The following PAN3 variants were observed in gnomAD, a reference collection of about 807,000 sequenced individuals.
PAN3 encodes the protein PAN2-PAN3 deadenylation complex subunit PAN3.
PAN3 carries 19 observed loss-of-function variants against 96.2 expected under a neutral mutation model. The ratio of observed to expected loss-of-function variants is 0.20; its 90% confidence interval spans 0.14 to 0.29. The LOEUF is 0.29. Ranked by LOEUF, PAN3 falls within the 10% of genes least tolerant of loss-of-function variation. PAN3 has a pLI of 1.00. For missense variants in PAN3, 882 were observed against 1,108.1 expected, an observed-to-expected ratio of 0.80 and a Z score of 2.90; for synonymous variants, 433 against 406.6, an observed-to-expected ratio of 1.06 and a Z score of -0.78.
At chr13:28,145,073 A>C (rs1870449060) in intron 1 of PAN3, among the ~76,000 whole-genome samples, 1 of 152,044 alleles carries the variant, frequency 6.6e-6, no homozygotes, top group Non-Finnish European at 1.5e-5. Flanking sequence ...TTTTAAATGA[A>C]CTTTTTATTT....
In PAN3 at chr13:28,280,274, A is replaced by G. The variant is rs533927255; in HGVS notation, c.2190-138A>G. On this transcript the variant is annotated intron_variant, in intron 15 of 18. Transcript: ENST00000380958. The stretch of plus-strand genomic sequence containing the variant: ...AATGAAATGTAATATTTAAGAATGA[A>G]CTTGACTTGCATGAATTAAAATGTT... The G allele has an allele frequency of 1.3e-5, 13 of 1,016,712 alleles. No individual in the cohort carries two copies. The South Asian group carries it at 2.4e-4, about 18-fold the overall frequency. The allele number at this position is 1,016,712 out of a possible 1,614,324, so 63.0% of individuals were successfully genotyped here.
chr13:28,249,526 AC>A (rs1272627840), intron 6 of PAN3, among the ~76,000 whole-genome samples: 2 of 151,620 alleles, frequency 1.3e-5, no homozygotes, highest in African/African-American at 4.9e-5. Context: ...TCGGCTCACC[AC>A]AGCCTCCACC....
intron 12 of PAN3, among the ~76,000 whole-genome samples, chr13:28,270,302 A>G (rs1403619108): frequency 1.3e-5 from 2 of 152,208 alleles, no homozygotes; most frequent in Non-Finnish European, 2.9e-5. Flanking sequence ...CCACACAATG[A>G]ACAGCTCTCA....
At chr13:28,277,653 A>T (rs1189349303) in intron 15 of PAN3, among the ~76,000 whole-genome samples, 1 of 152,230 alleles carries the variant, frequency 6.6e-6, no homozygotes, top group African/African-American at 2.4e-5. Flanking sequence ...CATTGATATT[A>T]ATTGAAATTT....
intron 6 of PAN3, among the ~76,000 whole-genome samples, chr13:28,252,188 C>CTTTTTT (rs10545190): frequency 8.9e-6 from 1 of 112,536 alleles, no homozygotes; most frequent in Non-Finnish European, 1.8e-5. Flanking sequence ...GCGACGGGCC[C>CTTTTTT]TTTTTTTTTT....
rs576599818 is a variant in PAN3, at chr13:28,180,858, T to G, written c.690+2923T>G. Among the ~76,000 whole-genome samples the G allele has an allele frequency of 1.8e-4, 26 of 147,384 alleles. No individual in the cohort carries two copies. The South Asian group carries it at 4.3e-3, about 24-fold the overall frequency. ...GACAAATTGAAAATGAAGGACTGAGTTTTTTTTTTTCCCTTAAATCTAATT... is the reference window on the plus strand; with the variant it reads ...GACAAATTGAAAATGAAGGACTGAGGTTTTTTTTTTCCCTTAAATCTAATT... On this transcript the variant is annotated intron_variant, in intron 4 of 18. Coordinates refer to ENST00000380958, the MANE Select transcript of PAN3 (RefSeq NM_175854.8).
rs1252496331 is a variant in PAN3, at chr13:28,277,389, A to G, written c.2189+13A>G. ...AGAATCTGATTTTGTAAGTTTTAAT[A>G]TATGATAAATTGTACAGAATGATTA... is the stretch of plus-strand genomic sequence containing the variant. On this transcript the variant is annotated intron_variant, in intron 15 of 18. Transcript: ENST00000380958. 1.9e-6 allele frequency: 3 copies of G among 1,603,430 alleles called. No homozygotes were observed. The highest frequency in any genetic ancestry group is 1.1e-5 in the South Asian group (1 of 88,934).
intron 6 of PAN3, among the ~76,000 whole-genome samples, chr13:28,226,511 G>A (rs1882014925): frequency 6.6e-6 from 1 of 152,094 alleles, no homozygotes. Flanking sequence ...AAGAAGAAGG[G>A]ACCATGCCAT....
At chr13:28,291,987 T>C (rs45455097) in intron 18 of PAN3, among the ~76,000 whole-genome samples, 15,404 of 152,194 alleles carry the variant, frequency 0.1, 979 homozygotes, top group Middle Eastern at 0.17. Flanking sequence ...CTTTACATTT[T>C]ATTATTAATA....
chr13:28,221,171 C>T (rs1471273143), intron 6 of PAN3, among the ~76,000 whole-genome samples: 1 of 152,116 alleles, frequency 6.6e-6, no homozygotes, highest in Non-Finnish European at 1.5e-5. Context: ...ATTAACATCA[C>T]TTATCCCCAC....
chr13:28,147,325 C>T (rs764024942), intron 1 of PAN3, among the ~76,000 whole-genome samples: 3 of 152,072 alleles, frequency 2.0e-5, no homozygotes, highest in African/African-American at 7.3e-5. Flanking sequence ...TACGATGATT[C>T]GACTTCCAGT....
intron 1 of PAN3, among the ~76,000 whole-genome samples, chr13:28,145,154 A>G (rs769352807): frequency 1.3e-5 from 2 of 152,202 alleles, no homozygotes; most frequent in African/African-American, 2.4e-5. Flanking sequence ...TCTTTTATAA[A>G]GGATAGTAAC....
At chr13:28,162,456 G>T (rs535452597) in intron 1 of PAN3, among the ~76,000 whole-genome samples, 1 of 151,964 alleles carries the variant, frequency 6.6e-6, no homozygotes, top group Non-Finnish European at 1.5e-5. Context: ...AGGCCGAGGC[G>T]GGTGGATTGC....
rs780296852 is a variant in PAN3 at position 28,270,695 on chromosome 13, G to A, written c.1793-6G>A. The A allele has an allele frequency of 5.6e-6, 9 of 1,612,598 alleles. No individual in the cohort carries two copies. Among genetic ancestry groups the A allele is most frequent in the Non-Finnish European group, 6.8e-6 (8 of 1,179,288 alleles). On this transcript the variant is annotated splice_region_variant and splice_polypyrimidine_tract_variant and intron_variant, in intron 12 of 18. Transcript: ENST00000380958. ...ATGTCATTTTTTGGATTTCTTTGCT[G>A]TATAGGTCAGCACGAGGGACCATTG...
At chr13:28,154,696 A>T (rs1473232094) in intron 1 of PAN3, among the ~76,000 whole-genome samples, 1 of 150,862 alleles carries the variant, frequency 6.6e-6, no homozygotes, top group Admixed American at 6.6e-5. Context: ...GGGTTTCGTC[A>T]TGTTAGCCAG....
intron 1 of PAN3, among the ~76,000 whole-genome samples, chr13:28,148,632 T>C (rs1024242052): frequency 2.6e-5 from 4 of 152,202 alleles, no homozygotes; most frequent in African/African-American, 7.2e-5. Context: ...ACACTCTTTC[T>C]AGCTTATTTG....
intron 6 of PAN3, chr13:28,239,718 G>A (rs757877409): frequency 7.2e-6 from 9 of 1,243,748 alleles, no homozygotes; most frequent in African/African-American, 1.5e-5. Flanking sequence ...TAACTGAAGG[G>A]ATTGTTGAGT....
intron 15 of PAN3, among the ~76,000 whole-genome samples, chr13:28,279,557 A>C (rs990900926): frequency 6.6e-6 from 1 of 151,964 alleles, no homozygotes; most frequent in Non-Finnish European, 1.5e-5. Flanking sequence ...CAAGAGATTG[A>C]GACCATCCTG....
In PAN3 at chr13:28,280,446, G is replaced by T; in HGVS notation, c.2224G>T (p.Val742Leu). Residue 742 changes from valine (V) to leucine (L), a missense_variant, in exon 16 of 19, where the codon GTA becomes TTA. Coordinates refer to ENST00000380958, the MANE Select transcript of PAN3 (RefSeq NM_175854.8). Reference sequence around the variant, plus strand: ...GACTGACCAAAACAGGATGCGAAGTGTAAATGACATCATGCCCATGATTGG... The same window carrying T: ...GACTGACCAAAACAGGATGCGAAGTTTAAATGACATCATGCCCATGATTGG... Reference protein sequence around the residue: ...LLTDQNRMRSVNDIMPMIGAR... With the variant: ...LLTDQNRMRSLNDIMPMIGAR... 1 of 1,611,068 alleles carries T rather than the reference G, an allele frequency of 6.2e-7. No individual in the cohort carries two copies. Among genetic ancestry groups the T allele is most frequent in the Non-Finnish European group, 8.5e-7 (1 of 1,178,108 alleles).
Sources: allele counts gnomAD v4.1 joint callset (sites outside exome capture counted in the v4.1 genomes callset), GRCh38; gene constraint gnomAD v4.1.1; transcripts MANE v1.5; gene names NCBI Gene and HGNC (gene_info 2026-07-23, HGNC 2026-07-21).